The following SLC9D1 variants were observed in gnomAD, a reference collection of about 807,000 sequenced individuals.
SLC9D1 encodes the protein solute carrier family 9 member D1, also known as putative LAG1-interacting protein.
chr13:113,516,957 C>T, the SLC9D1 span, among the ~76,000 whole-genome samples: 3 of 152,234 alleles, frequency 2.0e-5, no homozygotes, highest in Non-Finnish European at 4.4e-5. Context: ...TGTCCAGCCA[C>T]AAGCAGCGTT....
chr13:113,499,385 C>A, the SLC9D1 span, among the ~76,000 whole-genome samples: 1 of 152,156 alleles, frequency 6.6e-6, no homozygotes, highest in Admixed American at 6.5e-5. Context: ...GGACATGCAG[C>A]CCAGTAGGTT....
At chr13:113,525,667 AGAC>A in the SLC9D1 span, among the ~76,000 whole-genome samples, 1 of 150,140 alleles carries the variant, frequency 6.7e-6, no homozygotes, top group Admixed American at 6.6e-5. Flanking sequence ...TCATCATAGG[AGAC>A]GACAGCTCTG....
the SLC9D1 span, chr13:113,496,092 G>A: frequency 2.3e-5 from 25 of 1,082,328 alleles, no homozygotes; most frequent in Admixed American, 3.6e-4. Flanking sequence ...GAGGGAGAGT[G>A]CGTGCCCACA....
At chr13:113,525,213 C>T in the SLC9D1 span, among the ~76,000 whole-genome samples, 1 of 152,194 alleles carries the variant, frequency 6.6e-6, no homozygotes, top group African/African-American at 2.4e-5. Flanking sequence ...TGATGGGCCA[C>T]CTGTACAGCA....
the SLC9D1 span, among the ~76,000 whole-genome samples, chr13:113,507,156 ACTC>A: frequency 6.6e-6 from 1 of 150,926 alleles, no homozygotes; most frequent in African/African-American, 2.4e-5. Context: ...CCCGGTCCCA[ACTC>A]CTCTCACCCG....
the SLC9D1 span, chr13:113,495,946 A>AG: frequency 6.2e-7 from 1 of 1,614,008 alleles, no homozygotes; most frequent in Non-Finnish European, 8.5e-7. Flanking sequence ...AGAGCCCTGC[A>AG]GGGGGATTAC....
the SLC9D1 span, among the ~76,000 whole-genome samples, chr13:113,512,561 G>A: frequency 2.0e-5 from 3 of 151,490 alleles, no homozygotes; most frequent in Admixed American, 6.6e-5. Context: ...ACATAGACTC[G>A]GAGCCCCAGG....
the SLC9D1 span, among the ~76,000 whole-genome samples, chr13:113,492,409 A>G: frequency 3.3e-5 from 5 of 152,240 alleles, no homozygotes; most frequent in Non-Finnish European, 7.3e-5. Context: ...TGTTTTCTCC[A>G]ATGGTAGCAC....
chr13:113,518,421 A>G, the SLC9D1 span, among the ~76,000 whole-genome samples: 4 of 152,224 alleles, frequency 2.6e-5, no homozygotes, highest in African/African-American at 9.6e-5. Flanking sequence ...CAGCCAGTTC[A>G]CTATGATCGG....
chr13:113,495,476 T>C, the SLC9D1 span: 3 of 758,832 alleles, frequency 4.0e-6, no homozygotes, highest in Non-Finnish European at 6.6e-6. Context: ...ATTGTTTAAC[T>C]ATGTGTGACA....
chr13:113,549,358 G>T, the SLC9D1 span: 1 of 1,571,748 alleles, frequency 6.4e-7, no homozygotes, highest in Non-Finnish European at 8.6e-7. Flanking sequence ...GACCAGCCCT[G>T]TGCTTTCCTG....
At chr13:113,540,954 T>C in the SLC9D1 span, among the ~76,000 whole-genome samples, 1 of 152,164 alleles carries the variant, frequency 6.6e-6, no homozygotes, top group Admixed American at 6.5e-5. Context: ...ATCCCAGCAC[T>C]GTTTGTTGAG....
the SLC9D1 span, among the ~76,000 whole-genome samples, chr13:113,494,885 T>C: frequency 7.0e-6 from 1 of 143,414 alleles, no homozygotes; most frequent in Non-Finnish European, 1.5e-5. Flanking sequence ...GGACTTTCTG[T>C]TTTTGTTTTT....
chr13:113,549,401 C>T, the SLC9D1 span: 64 of 1,611,904 alleles, frequency 4.0e-5, no homozygotes, highest in Non-Finnish European at 4.7e-5. Flanking sequence ...TCTCTGTGAC[C>T]CGCTCTGCAC....
At chr13:113,498,694 A>T in the SLC9D1 span, 1 of 539,648 alleles carries the variant, frequency 1.9e-6, no homozygotes, top group Non-Finnish European at 3.1e-6. Context: ...TAAGCTAATT[A>T]TCTTTTATTT....
chr13:113,543,218 A>C, the SLC9D1 span, among the ~76,000 whole-genome samples: 7 of 31,286 alleles, frequency 2.2e-4, no homozygotes, highest in African/African-American at 5.4e-4. Context: ...GTCCGTGACC[A>C]CCTCCTCCCC....
the SLC9D1 span, among the ~76,000 whole-genome samples, chr13:113,509,520 C>A: frequency 2.6e-3 from 395 of 152,252 alleles, 1 homozygote; most frequent in African/African-American, 9.2e-3. Flanking sequence ...CTCCATGACG[C>A]CTATGTTTAG....
chr13:113,533,659 G>A, the SLC9D1 span, among the ~76,000 whole-genome samples: 3 of 152,216 alleles, frequency 2.0e-5, no homozygotes, highest in Non-Finnish European at 2.9e-5. Context: ...GCTGGAGTTC[G>A]TCCATCAGGC....
the SLC9D1 span, chr13:113,548,530 C>G: frequency 6.7e-7 from 1 of 1,495,822 alleles, no homozygotes; most frequent in Non-Finnish European, 9.0e-7. Context: ...GTGGCGAAGG[C>G]GGCTCGGCAG....
Sources: gnomAD v4.1 joint callset for allele counts (sites outside exome capture counted in the v4.1 genomes callset) on GRCh38, gnomAD v4.1.1 for gene constraint, MANE v1.5 for transcripts, NCBI Gene and HGNC (gene_info 2026-07-23, HGNC 2026-07-21) for gene names.